CPLX1: variants seen among roughly 807,000 people sequenced by gnomAD.
CPLX1 encodes the protein complexin 1, also known as complexin-1.
Under a neutral mutation model 15.6 loss-of-function variants are expected in CPLX1, and 6 were observed. The observed-to-expected ratio is 0.39, with a 90% CI of 0.21 to 0.76. CPLX1 has a LOEUF of 0.76. CPLX1 is among the 30% of genes least tolerant of loss of function. The pLI, the probability that CPLX1 is intolerant of heterozygous loss-of-function variation, is 0.43. For missense variants in CPLX1, 242 were observed against 188.6 expected, an observed-to-expected ratio of 1.28 and a Z score of -1.66; for synonymous variants, 91 against 75.2, an observed-to-expected ratio of 1.21 and a Z score of -1.08.
chr4:789,396 A>C (rs1746100455), intron 3 of CPLX1, among the ~76,000 whole-genome samples: 1 of 152,232 alleles, frequency 6.6e-6, no homozygotes, highest in Non-Finnish European at 1.5e-5. Context: ...ATTCGTGAGA[A>C]AAAAGGGCAG....
intron 1 of CPLX1, chr4:824,822 C>T (rs1369621223): frequency 1.6e-6 from 1 of 619,674 alleles, no homozygotes; most frequent in Non-Finnish European, 3.0e-6. Context: ...GTGTCTGAAG[C>T]CTCTGCAGGG....
intron 2 of CPLX1, among the ~76,000 whole-genome samples, chr4:808,601 G>A (rs572084367): frequency 6.6e-6 from 1 of 152,236 alleles, no homozygotes; most frequent in Non-Finnish European, 1.5e-5. Flanking sequence ...CGGTTCAGGA[G>A]GTGGGTCTTG....
At position 808,601 on chromosome 4, in the gene CPLX1, G is replaced by C. The variant is rs572084367; in HGVS notation, c.31+15891C>G. ...TGTCAAAAGAGTCAGCGGTTCAGGA[G>C]GTGGGTCTTGAACCTCCCATAAAAC... On this transcript the variant is annotated intron_variant, in intron 2 of 3. Transcript: ENST00000304062. 9.2e-5 allele frequency among the ~76,000 whole-genome samples: 14 copies of C among 152,354 alleles called. No homozygotes were observed. In the South Asian group the frequency reaches 2.9e-3, roughly 32 times the overall value.
chr4:811,411 G>T (rs1746663774), intron 2 of CPLX1, among the ~76,000 whole-genome samples: 1 of 152,036 alleles, frequency 6.6e-6, no homozygotes. Flanking sequence ...CTCGCAAAGT[G>T]TTGGGATTAC....
chr4:796,346 G>T (rs557679627), intron 2 of CPLX1, among the ~76,000 whole-genome samples: 5 of 152,142 alleles, frequency 3.3e-5, no homozygotes, highest in African/African-American at 7.2e-5. Flanking sequence ...AAGACTTCAT[G>T]TGGGCCTCAC....
intron 3 of CPLX1, among the ~76,000 whole-genome samples, chr4:791,192 C>T (rs1358392243): frequency 1.5e-5 from 1 of 66,740 alleles, no homozygotes; most frequent in South Asian, 5.6e-4. Flanking sequence ...GGGCGGGGAG[C>T]GGGGGGCGGA....
intron 2 of CPLX1, among the ~76,000 whole-genome samples, chr4:802,396 G>A (rs1034405366): frequency 6.6e-6 from 1 of 152,188 alleles, no homozygotes; most frequent in Non-Finnish European, 1.5e-5. Flanking sequence ...ACTTAACCAC[G>A]GTGATGGTGA....
rs1745988426 is a variant in CPLX1, at chr4:786,378, C to T, written c.*123G>A. The T allele has an allele frequency of 1.8e-6, 2 of 1,105,264 alleles. No homozygotes were observed. The highest frequency in any genetic ancestry group is 1.7e-5 in the African/African-American group (1 of 59,334). 68.5% of individuals were successfully genotyped at this position (1,105,264 alleles called of 1,614,324 possible). On this transcript the variant is annotated 3_prime_UTR_variant, in exon 4 of 4. Transcript: ENST00000304062. Reference sequence around the variant, plus strand: ...AGGGAGGCGGCGGGCGCGGGCAGGGCGGGCCTGGGGCTATGGCTTATATCG... The same window carrying T: ...AGGGAGGCGGCGGGCGCGGGCAGGGTGGGCCTGGGGCTATGGCTTATATCG...
chr4:786,315 C>G lies in CPLX1; in HGVS notation c.*186G>C. The G allele has an allele frequency of 2.0e-6, 1 of 496,272 alleles. No individual in the cohort carries two copies. 30.7% of individuals were successfully genotyped at this position (496,272 alleles called of 1,614,324 possible). A position where few individuals can be genotyped will look rare whatever the true frequency, so the allele number is the denominator to read the frequency against. On this transcript the variant is annotated 3_prime_UTR_variant, in exon 4 of 4. Transcript: ENST00000304062. The stretch of plus-strand genomic sequence containing the variant: ...CGCGGGCAGAGGAGCACGGGGCGGA[C>G]TGGGGGGGTCCTGGGGGCGCGCGCC...
At chr4:813,777 A>G (rs1413757569) in intron 2 of CPLX1, among the ~76,000 whole-genome samples, 1 of 152,106 alleles carries the variant, frequency 6.6e-6, no homozygotes, top group African/African-American at 2.4e-5. Flanking sequence ...ACACTCCCCA[A>G]AAGACCTAAA....
At chr4:796,291 C>G (rs375897269) in intron 2 of CPLX1, among the ~76,000 whole-genome samples, 1 of 152,156 alleles carries the variant, frequency 6.6e-6, no homozygotes, top group South Asian at 2.1e-4. Context: ...ACCGAGTGTT[C>G]GTCAAAGCTG....
rs1746253765 is a variant in CPLX1, at chr4:793,749, C to CA, written c.32-1142_32-1141insT. ...CCCCCGCGGCCACCCGGCCCCCTCT[C>CA]GAGGTGCTCCTCAGTGGTGAGGCAC... On this transcript the variant is annotated intron_variant, in intron 2 of 3. Transcript: ENST00000304062. Among the ~76,000 whole-genome samples, 4 of 152,354 alleles carry CA rather than the reference C, an allele frequency of 2.6e-5. 1 individual carries two copies. Among genetic ancestry groups the CA allele is most frequent in the Admixed American group, 2.6e-4 (4 of 15,308 alleles).
chr4:805,413 C>G (rs1285926400), intron 2 of CPLX1, among the ~76,000 whole-genome samples: 1 of 152,176 alleles, frequency 6.6e-6, no homozygotes, highest in Non-Finnish European at 1.5e-5. Flanking sequence ...GATACCGGCT[C>G]ACACCCACTC....
chr4:823,463 ATGC>A (rs1465941208), intron 2 of CPLX1, among the ~76,000 whole-genome samples: 4 of 152,158 alleles, frequency 2.6e-5, no homozygotes, highest in African/African-American at 9.7e-5. Context: ...CACTGCAGAA[ATGC>A]TCCCAGGAGG....
At chr4:788,985 T>C (rs567250102) in intron 3 of CPLX1, among the ~76,000 whole-genome samples, 21 of 152,262 alleles carry the variant, frequency 1.4e-4, no homozygotes, top group Non-Finnish European at 2.2e-4. Flanking sequence ...CGGTGTGGGA[T>C]CCTTCCTTCT....
intron 2 of CPLX1, among the ~76,000 whole-genome samples, chr4:795,428 C>G (rs1044860527): frequency 2.0e-5 from 3 of 152,222 alleles, no homozygotes; most frequent in African/African-American, 7.2e-5. Flanking sequence ...CTGCGACCCA[C>G]CCCCGCCCCC....
chr4:792,936 T>G (rs1327569949), intron 2 of CPLX1, among the ~76,000 whole-genome samples: 1 of 152,246 alleles, frequency 6.6e-6, no homozygotes, highest in Non-Finnish European at 1.5e-5. Context: ...TATGCGTACG[T>G]GTGGCTGTTG....
chr4:805,021 C>T, intron 2 of CPLX1: 10 of 789,348 alleles, frequency 1.3e-5, no homozygotes, highest in Non-Finnish European at 1.5e-5. Context: ...CACGCACGCT[C>T]GCGCACCGTC....
intron 3 of CPLX1, among the ~76,000 whole-genome samples, chr4:790,828 C>T (rs1027555699): frequency 6.6e-6 from 1 of 152,030 alleles, no homozygotes; most frequent in African/African-American, 2.4e-5. Flanking sequence ...CTGCCTGGGG[C>T]TCTCTCCTCT....
Sources: gnomAD v4.1 joint callset for allele counts (sites outside exome capture counted in the v4.1 genomes callset) on GRCh38, gnomAD v4.1.1 for gene constraint, MANE v1.5 for transcripts, NCBI Gene and HGNC (gene_info 2026-07-23, HGNC 2026-07-21) for gene names.